ZNF536: variants seen among roughly 807,000 people sequenced by gnomAD.
ZNF536 encodes the protein zinc finger protein 536.
A neutral mutation model predicts 84.5 loss-of-function variants in ZNF536; 13 were observed. The observed-to-expected ratio is 0.15, with a 90% confidence interval of 0.10 to 0.24. ZNF536 has a LOEUF of 0.24. Among genes scored for constraint, ZNF536 ranks in the 10% least tolerant of loss-of-function variants. The pLI is 1.00. For missense variants in ZNF536, 1,536 were observed against 1,747.5 expected (o/e 0.88, Z 2.16); for synonymous variants, 811 against 742.5 (o/e 1.09, Z -1.50).
At chr19:30,440,880 AG>A (rs2052005039) in intron 1 of ZNF536, among the ~76,000 whole-genome samples, 1 of 131,446 alleles carries the variant, frequency 7.6e-6, no homozygotes, top group Non-Finnish European at 1.6e-5. Flanking sequence ...AACTCTGGCC[AG>A]GATAGATAGA....
In ZNF536 at chr19:30,344,827, C is replaced by T. The variant is rs148862551; in HGVS notation, c.-119-7541C>T. 7.9e-5 allele frequency among the ~76,000 whole-genome samples: 12 copies of T among 152,266 alleles called. No individual in the cohort carries two copies. In the South Asian group the frequency reaches 8.3e-4, roughly 11 times the overall value. On this transcript the variant is annotated intron_variant, in intron 2 of 5. Transcript: ENST00000585628. ...AGAAGGGACTCCCAAGGTCAGACAGCGAGACAGTGACTTAGTGACCAGACC... is the reference window on the plus strand; with the variant it reads ...AGAAGGGACTCCCAAGGTCAGACAGTGAGACAGTGACTTAGTGACCAGACC...
At chr19:30,333,797 G>A (rs2047292929) in intron 2 of ZNF536, among the ~76,000 whole-genome samples, 1 of 152,204 alleles carries the variant, frequency 6.6e-6, no homozygotes, top group South Asian at 2.1e-4. Context: ...CTGTGCCTGT[G>A]TTGACACATC....
At chr19:30,330,694 G>A (rs1408049622) in intron 2 of ZNF536, among the ~76,000 whole-genome samples, 1 of 152,146 alleles carries the variant, frequency 6.6e-6, no homozygotes, top group Non-Finnish European at 1.5e-5. Context: ...TCAAGACATG[G>A]CCATTGTAGA....
At chr19:30,388,064 T>C (rs1205801554) in intron 1 of ZNF536, among the ~76,000 whole-genome samples, 1 of 152,136 alleles carries the variant, frequency 6.6e-6, no homozygotes, top group African/African-American at 2.4e-5. Flanking sequence ...GGTCAGGTTT[T>C]GAGGCTGTAA....
intron 2 of ZNF536, among the ~76,000 whole-genome samples, chr19:30,459,896 C>T (rs556313884): frequency 2.6e-5 from 4 of 152,274 alleles, no homozygotes; most frequent in African/African-American, 9.6e-5. Flanking sequence ...GCCCAACATG[C>T]CACAGTGAGT....
intron 2 of ZNF536, among the ~76,000 whole-genome samples, chr19:30,505,213 A>C (rs1023357468): frequency 1.8e-4 from 26 of 144,200 alleles, no homozygotes; most frequent in African/African-American, 6.9e-4. Context: ...TATATATTAT[A>C]TTATTATGAG....
chr19:30,567,366 G>A (rs149794773), intron 1 of ZNF536, among the ~76,000 whole-genome samples: 7 of 152,262 alleles, frequency 4.6e-5, no homozygotes, highest in Middle Eastern at 3.4e-3. Flanking sequence ...AACCTGCCAC[G>A]TGACCCTGAG....
At chr19:30,662,341 G>A (rs996370374) in intron 1 of ZNF536, among the ~76,000 whole-genome samples, 15 of 152,162 alleles carry the variant, frequency 9.9e-5, no homozygotes, top group Admixed American at 3.3e-4. Context: ...CTTGTGTTGG[G>A]CCCTTGTGAG....
intron 1 of ZNF536, among the ~76,000 whole-genome samples, chr19:30,666,744 T>C (rs1415347546): frequency 6.6e-6 from 1 of 151,588 alleles, no homozygotes; most frequent in Non-Finnish European, 1.5e-5. Flanking sequence ...TCTCTGTGTG[T>C]ATATATATAA....
intron 3 of ZNF536, among the ~76,000 whole-genome samples, chr19:30,355,349 G>C (rs1374306413): frequency 1.3e-5 from 2 of 152,114 alleles, no homozygotes; most frequent in Non-Finnish European, 2.9e-5. Context: ...ATGGGATGGT[G>C]TTAAACCACT....
At chr19:30,506,701 G>A (rs954874477) in intron 2 of ZNF536, among the ~76,000 whole-genome samples, 3 of 152,150 alleles carry the variant, frequency 2.0e-5, no homozygotes, top group Admixed American at 1.3e-4. Flanking sequence ...TTCCAAGGAC[G>A]GTCTGCCGAG....
intron 1 of ZNF536, among the ~76,000 whole-genome samples, chr19:30,657,550 C>G (rs74378205): frequency 7.2e-5 from 11 of 152,348 alleles, no homozygotes; most frequent in Non-Finnish European, 1.5e-4. Context: ...TCTTCTGGCC[C>G]TCCTTGGGGC....
At chr19:30,253,650 G>A (rs972089683) in intron 1 of ZNF536, among the ~76,000 whole-genome samples, 4 of 152,228 alleles carry the variant, frequency 2.6e-5, no homozygotes, top group Non-Finnish European at 5.9e-5. Context: ...CCACCCATGG[G>A]CTGTATCTGT....
chr19:30,619,711 ATGTC>A (rs1568609011), intron 1 of ZNF536, among the ~76,000 whole-genome samples: 1 of 152,116 alleles, frequency 6.6e-6, no homozygotes, highest in Non-Finnish European at 1.5e-5. Flanking sequence ...CTTATTTCTC[ATGTC>A]TGTCTATATT....
intron 1 of ZNF536, among the ~76,000 whole-genome samples, chr19:30,585,548 G>C (rs1350015535): frequency 6.6e-6 from 1 of 152,218 alleles, no homozygotes; most frequent in Non-Finnish European, 1.5e-5. Flanking sequence ...GCTGGGCACT[G>C]AGAAAGTGGT....
At chr19:30,247,750 A>G (rs893531103) in intron 1 of ZNF536, among the ~76,000 whole-genome samples, 20 of 151,962 alleles carry the variant, frequency 1.3e-4, no homozygotes, top group African/African-American at 4.8e-4. Context: ...GATGGCTTGA[A>G]CTCAGGAGGT....
chr19:30,643,220 C>G (rs1191355952), intron 1 of ZNF536, among the ~76,000 whole-genome samples: 8 of 152,150 alleles, frequency 5.3e-5, no homozygotes, highest in Non-Finnish European at 1.2e-4. Context: ...TCCATCCCAG[C>G]CTTGGCTGCT....
chr19:30,340,550 T>TG (rs1358648612), intron 2 of ZNF536, among the ~76,000 whole-genome samples: 1 of 152,200 alleles, frequency 6.6e-6, no homozygotes, highest in Non-Finnish European at 1.5e-5. Flanking sequence ...GTTTTCTTCT[T>TG]GCACCTTGGA....
intron 1 of ZNF536, chr19:30,436,620 G>C: frequency 1.3e-5 from 6 of 475,282 alleles, no homozygotes; most frequent in Non-Finnish European, 1.6e-5. Context: ...TTCAGAACAG[G>C]AGTGTATTAT....
Sources: gnomAD v4.1 joint callset for allele counts (sites outside exome capture counted in the v4.1 genomes callset) on GRCh38, gnomAD v4.1.1 for gene constraint, MANE v1.5 for transcripts, NCBI Gene and HGNC (gene_info 2026-07-23, HGNC 2026-07-21) for gene names.